Variants in NR3C2 observed in about 807,000 individuals in gnomAD.
The protein encoded by NR3C2 is nuclear receptor subfamily 3 group C member 2, also known as mineralocorticoid receptor.
Under a neutral mutation model 86.4 loss-of-function variants are expected in NR3C2, and 15 were observed. That is an observed-to-expected ratio of 0.17 (90% CI 0.12 to 0.27). The LOEUF (loss-of-function observed/expected upper bound fraction) is 0.27, where lower values mean the gene tolerates loss of function less well. Among genes scored for constraint, NR3C2 ranks in the 10% least tolerant of loss-of-function variants. NR3C2 has a pLI of 1.00. For synonymous variants in NR3C2, 458 were observed against 450.5 expected (o/e 1.02, Z -0.21); for missense variants, 960 against 1,195.6 (o/e 0.80, Z 2.91).
intron 2 of NR3C2, among the ~76,000 whole-genome samples, chr4:148,416,538 GCTCTGGAATCAAGTTACACTA>G (rs1749012396): frequency 6.6e-6 from 1 of 152,188 alleles, no homozygotes; most frequent in Non-Finnish European, 1.5e-5. Context: ...AAGAGTCCAT[GCTCTGGAATCAAGTTACACTA>G]CTTCTGATAG....
intron 2 of NR3C2, among the ~76,000 whole-genome samples, chr4:148,390,030 T>TA (rs1747460206): frequency 6.6e-6 from 1 of 151,090 alleles, no homozygotes; most frequent in African/African-American, 2.4e-5. Flanking sequence ...GATAAAAGGA[T>TA]AAAACATAGA....
chr4:148,376,145 CAA>C (rs70962716), intron 2 of NR3C2, among the ~76,000 whole-genome samples: 23 of 105,802 alleles, frequency 2.2e-4, no homozygotes, highest in South Asian at 1.0e-3. Context: ...AGGAGTAAGG[CAA>C]AAAAAAAAAA....
At chr4:148,347,772 C>T (rs1363666344) in intron 2 of NR3C2, among the ~76,000 whole-genome samples, 1 of 152,044 alleles carries the variant, frequency 6.6e-6, no homozygotes, top group Non-Finnish European at 1.5e-5. Flanking sequence ...AAAATAAATA[C>T]CATTCCTTCA....
At chr4:148,152,152 G>A (rs1734132701) in intron 6 of NR3C2, among the ~76,000 whole-genome samples, 2 of 152,132 alleles carry the variant, frequency 1.3e-5, no homozygotes, top group African/African-American at 4.8e-5. Flanking sequence ...GATACCAAAA[G>A]AGACTGTTTT....
intron 2 of NR3C2, among the ~76,000 whole-genome samples, chr4:148,280,481 G>A (rs1741177772): frequency 6.6e-6 from 1 of 152,044 alleles, no homozygotes; most frequent in Non-Finnish European, 1.5e-5. Context: ...AGCATATCAA[G>A]TATGTATTAA....
At chr4:148,374,061 G>C (rs1579221191) in intron 2 of NR3C2, among the ~76,000 whole-genome samples, 1 of 152,204 alleles carries the variant, frequency 6.6e-6, no homozygotes, top group East Asian at 1.9e-4. Flanking sequence ...GATTTTATCT[G>C]TACTGGAACA....
intron 6 of NR3C2, among the ~76,000 whole-genome samples, chr4:148,122,605 TG>T (rs1732558772): frequency 6.6e-6 from 1 of 152,196 alleles, no homozygotes; most frequent in Non-Finnish European, 1.5e-5. Flanking sequence ...TTCCTTTCAT[TG>T]GATTGACCTA....
intron 4 of NR3C2, among the ~76,000 whole-genome samples, chr4:148,183,481 C>G (rs1193075679): frequency 1.3e-5 from 2 of 152,324 alleles, no homozygotes; most frequent in South Asian, 4.2e-4. Context: ...TCTCCAGCAT[C>G]TGTTGTTTCC....
chr4:148,224,434 A>C (rs976518952), intron 3 of NR3C2, among the ~76,000 whole-genome samples: 1 of 152,236 alleles, frequency 6.6e-6, no homozygotes, highest in African/African-American at 2.4e-5. Context: ...AGCACTAAAT[A>C]AATGTTTGTC....
chr4:148,132,993 G>T (rs546824605), intron 6 of NR3C2, among the ~76,000 whole-genome samples: 1 of 152,156 alleles, frequency 6.6e-6, no homozygotes, highest in Non-Finnish European at 1.5e-5. Context: ...GAGTCCAGGG[G>T]TTCAAGATCA....
At chr4:148,299,808 T>A (rs1259560833) in intron 2 of NR3C2, among the ~76,000 whole-genome samples, 1 of 152,220 alleles carries the variant, frequency 6.6e-6, no homozygotes, top group Non-Finnish European at 1.5e-5. Context: ...AACACAGCCT[T>A]GCACTTACAG....
chr4:148,282,859 AT>A (rs1287393781), intron 2 of NR3C2, among the ~76,000 whole-genome samples: 2 of 152,226 alleles, frequency 1.3e-5, no homozygotes, highest in African/African-American at 4.8e-5. Context: ...AAAACATGGC[AT>A]CAATAGGCAG....
chr4:148,157,419 A>G (rs1400271360), intron 4 of NR3C2, among the ~76,000 whole-genome samples: 2 of 152,320 alleles, frequency 1.3e-5, no homozygotes, highest in South Asian at 4.1e-4. Flanking sequence ...AGATTCTATT[A>G]TGATTCTCAT....
At chr4:148,192,743 G>T (rs548023763) in intron 4 of NR3C2, among the ~76,000 whole-genome samples, 2 of 152,130 alleles carry the variant, frequency 1.3e-5, no homozygotes, top group Admixed American at 1.3e-4. Flanking sequence ...GAGTCATGCA[G>T]GTTTTCAAGG....
intron 2 of NR3C2, among the ~76,000 whole-genome samples, chr4:148,385,629 T>C (rs1281965337): frequency 3.9e-5 from 6 of 152,056 alleles, no homozygotes; most frequent in Admixed American, 3.3e-4. Context: ...TGAAAGAAAG[T>C]GCAAGGGAGA....
chr4:148,205,970 G>A (rs1414451627), intron 3 of NR3C2, among the ~76,000 whole-genome samples: 1 of 152,104 alleles, frequency 6.6e-6, no homozygotes, highest in Non-Finnish European at 1.5e-5. Flanking sequence ...AATTGAGAAA[G>A]AGCAAAACCG....
At chr4:148,260,636 T>G (rs1396815910) in intron 2 of NR3C2, among the ~76,000 whole-genome samples, 2 of 152,190 alleles carry the variant, frequency 1.3e-5, no homozygotes, top group Non-Finnish European at 2.9e-5. Flanking sequence ...ATTTTATCCC[T>G]CTAAGCTCCC....
At position 148,264,592 on chromosome 4, in the gene NR3C2, C is replaced by T. The variant is rs574828438; in HGVS notation, c.1758-4475G>A. Among the ~76,000 whole-genome samples the T allele has an allele frequency of 4.6e-5, 7 of 152,268 alleles. No homozygotes were observed. The South Asian group carries it at 1.0e-3, about 23-fold the overall frequency. On this transcript the variant is annotated intron_variant, in intron 2 of 8. Coordinates refer to ENST00000358102, the MANE Select transcript of NR3C2 (RefSeq NM_000901.5). Reference sequence around the variant, plus strand: ...GGCCTGGGCTCTAGTTCTAGCTCTGCCATTAACTGGTGAAACCTTTGCAAA... The same window carrying T: ...GGCCTGGGCTCTAGTTCTAGCTCTGTCATTAACTGGTGAAACCTTTGCAAA...
At chr4:148,136,056 C>CAAAAAAAAAAAAAAAAAAAAAAACAAAAA (rs199716496) in intron 6 of NR3C2, among the ~76,000 whole-genome samples, 1 of 71,182 alleles carries the variant, frequency 1.4e-5, no homozygotes, top group African/African-American at 6.7e-5. Context: ...GACTCCGTCT[C>CAAAAAAAAAAAAAAAAAAAAAAACAAAAA]AAAAAAAAAA....
Sources: allele counts gnomAD v4.1 joint callset (sites outside exome capture counted in the v4.1 genomes callset), GRCh38; gene constraint gnomAD v4.1.1; transcripts MANE v1.5; gene names NCBI Gene and HGNC (gene_info 2026-07-23, HGNC 2026-07-21).